Variants in CSNK2A2IP observed in about 807,000 individuals in gnomAD.
CSNK2A2IP encodes casein kinase II subunit alpha'-interacting protein.
the CSNK2A2IP span, among the ~76,000 whole-genome samples, chr3:88,464,204 C>T: frequency 6.6e-6 from 1 of 151,212 alleles, no homozygotes; most frequent in African/African-American, 2.4e-5. Context: ...AGGAGATATA[C>T]CTAATGCTAA....
chr3:88,343,881 C>T, the CSNK2A2IP span, among the ~76,000 whole-genome samples: 1 of 151,850 alleles, frequency 6.6e-6, no homozygotes, highest in Non-Finnish European at 1.5e-5. Flanking sequence ...TGCCACATAG[C>T]TGCTTTTATT....
At chr3:88,375,686 T>C in the CSNK2A2IP span, among the ~76,000 whole-genome samples, 1 of 151,740 alleles carries the variant, frequency 6.6e-6, no homozygotes, top group Non-Finnish European at 1.5e-5. Flanking sequence ...CTACTAGTAT[T>C]TTAGAAGCTT....
At chr3:88,409,748 T>C in the CSNK2A2IP span, among the ~76,000 whole-genome samples, 82 of 148,522 alleles carry the variant, frequency 5.5e-4, no homozygotes, top group Admixed American at 1.6e-3. Context: ...TTCAGATTCT[T>C]TTCTATTTCT....
At chr3:88,400,924 TG>T in the CSNK2A2IP span, among the ~76,000 whole-genome samples, 3 of 152,160 alleles carry the variant, frequency 2.0e-5, no homozygotes, top group African/African-American at 4.8e-5. Flanking sequence ...AACAATGTGA[TG>T]AATAGAAGTT....
At chr3:88,372,264 T>C in the CSNK2A2IP span, among the ~76,000 whole-genome samples, 3 of 151,576 alleles carry the variant, frequency 2.0e-5, no homozygotes, top group Non-Finnish European at 4.4e-5. Context: ...ATTACTTTTA[T>C]GCAAAAGTTT....
chr3:88,380,934 G>A, the CSNK2A2IP span, among the ~76,000 whole-genome samples: 42 of 152,278 alleles, frequency 2.8e-4, no homozygotes, highest in Admixed American at 2.1e-3. Flanking sequence ...CTGCCAAGGA[G>A]CCTAGATATT....
the CSNK2A2IP span, among the ~76,000 whole-genome samples, chr3:88,449,232 A>G: frequency 3.1e-4 from 47 of 152,078 alleles, no homozygotes; most frequent in African/African-American, 1.1e-3. Context: ...AAAACCAAAC[A>G]TTTTCCTTTT....
At chr3:88,438,351 C>T in the CSNK2A2IP span, among the ~76,000 whole-genome samples, 1 of 152,096 alleles carries the variant, frequency 6.6e-6, no homozygotes, top group African/African-American at 2.4e-5. Context: ...TCTTTTCTGA[C>T]CCTTCTTTCT....
the CSNK2A2IP span, among the ~76,000 whole-genome samples, chr3:88,438,767 C>G: frequency 2.0e-5 from 3 of 152,286 alleles, no homozygotes; most frequent in South Asian, 2.1e-4. Flanking sequence ...TCTGAAGGAT[C>G]CTGTGTCACG....
the CSNK2A2IP span, among the ~76,000 whole-genome samples, chr3:88,358,554 T>C: frequency 2.6e-5 from 4 of 152,130 alleles, no homozygotes; most frequent in African/African-American, 9.7e-5. Context: ...GAAAGGGTAT[T>C]GAATTATATT....
chr3:88,362,495 G>T, the CSNK2A2IP span, among the ~76,000 whole-genome samples: 1 of 152,170 alleles, frequency 6.6e-6, no homozygotes, highest in African/African-American at 2.4e-5. Flanking sequence ...GCAGCCTGGA[G>T]TTGAGGGAGG....
At chr3:88,423,021 T>A in the CSNK2A2IP span, among the ~76,000 whole-genome samples, 3 of 152,162 alleles carry the variant, frequency 2.0e-5, no homozygotes, top group African/African-American at 7.2e-5. Flanking sequence ...CTCCTGATCC[T>A]TGAAGAAGCC....
At chr3:88,349,401 T>C in the CSNK2A2IP span, among the ~76,000 whole-genome samples, 1 of 152,128 alleles carries the variant, frequency 6.6e-6, no homozygotes, top group Non-Finnish European at 1.5e-5. Flanking sequence ...TTTTCCATTC[T>C]TGATTTACTT....
chr3:88,372,271 G>C, the CSNK2A2IP span, among the ~76,000 whole-genome samples: 1 of 151,462 alleles, frequency 6.6e-6, no homozygotes, highest in Non-Finnish European at 1.5e-5. Context: ...TTATGCAAAA[G>C]TTTTGGCAAT....
At chr3:88,366,942 G>A in the CSNK2A2IP span, among the ~76,000 whole-genome samples, 2 of 152,152 alleles carry the variant, frequency 1.3e-5, no homozygotes, top group East Asian at 1.9e-4. Flanking sequence ...GAAAGGGGAA[G>A]CCACTTATAA....
chr3:88,442,325 C>A, the CSNK2A2IP span, among the ~76,000 whole-genome samples: 2 of 152,256 alleles, frequency 1.3e-5, no homozygotes, highest in Admixed American at 6.5e-5. Flanking sequence ...CGAGCACAAA[C>A]CACTGCGCCT....
At chr3:88,421,784 A>G in the CSNK2A2IP span, among the ~76,000 whole-genome samples, 1 of 151,816 alleles carries the variant, frequency 6.6e-6, no homozygotes, top group Non-Finnish European at 1.5e-5. Flanking sequence ...TCAAGAAACA[A>G]CTCCACCAAC....
At chr3:88,415,170 C>G in the CSNK2A2IP span, among the ~76,000 whole-genome samples, 2 of 151,860 alleles carry the variant, frequency 1.3e-5, no homozygotes, top group East Asian at 3.8e-4. Flanking sequence ...AAATTCCTCA[C>G]GAGTATTTCA....
chr3:88,389,669 GCTTCT>G, the CSNK2A2IP span, among the ~76,000 whole-genome samples: 2 of 152,192 alleles, frequency 1.3e-5, no homozygotes, highest in Admixed American at 6.5e-5. Flanking sequence ...CCAGGTTGGA[GCTTCT>G]CGTGGCTTGC....
Sources: allele counts gnomAD v4.1 joint callset (sites outside exome capture counted in the v4.1 genomes callset), GRCh38; gene constraint gnomAD v4.1.1; transcripts MANE v1.5; gene names NCBI Gene and HGNC (gene_info 2026-07-23, HGNC 2026-07-21).